IQCM: variants seen among roughly 807,000 people sequenced by gnomAD.
IQCM encodes the protein IQ motif containing M.
IQCM carries 45 observed loss-of-function variants against 57.6 expected under a neutral mutation model. The ratio of observed to expected loss-of-function variants is 0.78; its 90% CI spans 0.62 to 1.00. The LOEUF (loss-of-function observed/expected upper bound fraction) is 1.00. Ranked by LOEUF, IQCM falls within the 50% of genes least tolerant of loss-of-function variation. The probability of loss-of-function intolerance (pLI) is 0.00; values close to 1 mark genes in which losing one functional copy is unlikely to be tolerated. For missense variants in IQCM, 468 were observed against 511.6 expected, an observed-to-expected ratio of 0.91 and a Z score of 0.82; for synonymous variants, 148 against 158.9, an observed-to-expected ratio of 0.93 and a Z score of 0.51.
intron 7 of IQCM, among the ~76,000 whole-genome samples, chr4:149,677,202 G>T (rs979159510): frequency 6.6e-6 from 1 of 152,194 alleles, no homozygotes; most frequent in Middle Eastern, 3.4e-3. Flanking sequence ...CATCATTAGT[G>T]CCTGAAAGGA....
intron 3 of IQCM, among the ~76,000 whole-genome samples, chr4:149,741,869 C>T (rs1321684695): frequency 6.6e-6 from 1 of 152,034 alleles, no homozygotes; most frequent in Non-Finnish European, 1.5e-5. Context: ...ATAATTAGCT[C>T]GATAGAGGTA....
At chr4:149,595,624 C>T (rs1753703304) in intron 8 of IQCM, among the ~76,000 whole-genome samples, 1 of 152,138 alleles carries the variant, frequency 6.6e-6, no homozygotes, top group Non-Finnish European at 1.5e-5. Flanking sequence ...ATTCTTTATG[C>T]TGCTACTAAT....
chr4:149,787,793 A>T (rs112978465), intron 2 of IQCM, among the ~76,000 whole-genome samples: 2,229 of 152,264 alleles, frequency 0.015, 30 homozygotes, highest in Middle Eastern at 0.058. Flanking sequence ...TATGGCTAAG[A>T]CCTCAAAAAC....
At chr4:149,509,526 G>A (rs1347166317) in intron 12 of IQCM, among the ~76,000 whole-genome samples, 2 of 151,736 alleles carry the variant, frequency 1.3e-5, no homozygotes, top group Admixed American at 6.6e-5. Context: ...TAGGATTACA[G>A]CATGAGCCAC....
At chr4:149,667,515 C>T (rs188204718) in intron 7 of IQCM, among the ~76,000 whole-genome samples, 2 of 152,110 alleles carry the variant, frequency 1.3e-5, no homozygotes, top group African/African-American at 4.8e-5. Context: ...ACCAGAACAC[C>T]TCTTCTCCTC....
At chr4:149,413,010 C>A (rs565509307) in intron 13 of IQCM, among the ~76,000 whole-genome samples, 2 of 152,248 alleles carry the variant, frequency 1.3e-5, no homozygotes, top group East Asian at 1.9e-4. Context: ...TCTCTAAAAT[C>A]TTTTATTGTT....
intron 12 of IQCM, among the ~76,000 whole-genome samples, chr4:149,519,348 G>A (rs906955207): frequency 7.2e-5 from 11 of 152,270 alleles, no homozygotes; most frequent in East Asian, 1.9e-4. Flanking sequence ...TTGGCCGGGC[G>A]CGGTGGCTCA....
intron 13 of IQCM, among the ~76,000 whole-genome samples, chr4:149,421,286 G>A (rs942151670): frequency 6.6e-6 from 1 of 151,764 alleles, no homozygotes; most frequent in African/African-American, 2.4e-5. Flanking sequence ...AATAAGCTGA[G>A]ATAGAATCAA....
intron 2 of IQCM, among the ~76,000 whole-genome samples, chr4:149,756,353 C>G (rs146301123): frequency 6.6e-6 from 1 of 152,222 alleles, no homozygotes; most frequent in African/African-American, 2.4e-5. Flanking sequence ...TGATAATTAA[C>G]AGAAGACAAT....
intron 8 of IQCM, among the ~76,000 whole-genome samples, chr4:149,599,514 TG>T (rs2150028618): frequency 6.6e-6 from 1 of 152,168 alleles, no homozygotes; most frequent in East Asian, 1.9e-4. Flanking sequence ...CCTTAAGCTT[TG>T]TGGGTCTTTT....
chr4:149,633,121 A>G lies in IQCM; in HGVS notation c.566-11877T>C, dbSNP rs566436959. ...GCTTGCAGTGAGCCGAGATTGCGCC[A>G]CTGCAGTCCGCAGTCCAGCCTGGGC... On this transcript the variant is annotated intron_variant, in intron 7 of 13. Coordinates refer to ENST00000636793, the MANE Select transcript of IQCM (RefSeq NM_001363507.2). Among the ~76,000 whole-genome samples, 390 of 137,360 alleles carry G rather than the reference A, an allele frequency of 2.8e-3. 4 individuals are homozygous for G. Among genetic ancestry groups the G allele is most frequent in the African/African-American group, 0.01 (368 of 36,624 alleles). 90.1% of individuals were successfully genotyped at this position (137,360 alleles called of 152,430 possible). A position where few individuals can be genotyped will look rare whatever the true frequency, so the allele number is the denominator to read the frequency against.
chr4:149,738,230 G>A (rs540159385), intron 3 of IQCM, among the ~76,000 whole-genome samples: 34 of 152,276 alleles, frequency 2.2e-4, no homozygotes, highest in African/African-American at 7.9e-4. Context: ...CCAGTGCCAT[G>A]TACACCTCAT....
chr4:149,670,858 GTGCTGCTGGATTCGGTT>G (rs1357585299), intron 7 of IQCM, among the ~76,000 whole-genome samples: 8 of 151,958 alleles, frequency 5.3e-5, no homozygotes, highest in African/African-American at 1.7e-4. Context: ...ATATTTTGAT[GTGCTGCTGGATTCGGTT>G]TGCCAGTATT....
At chr4:149,543,029 T>C (rs961222389) in intron 12 of IQCM, among the ~76,000 whole-genome samples, 1 of 151,430 alleles carries the variant, frequency 6.6e-6, no homozygotes, top group Non-Finnish European at 1.5e-5. Flanking sequence ...AAATAATGAG[T>C]AGAGAAAAAT....
intron 13 of IQCM, among the ~76,000 whole-genome samples, chr4:149,356,560 T>A (rs191110560): frequency 2.5e-4 from 38 of 151,906 alleles, no homozygotes; most frequent in Admixed American, 7.2e-4. Flanking sequence ...GTTGTAGATA[T>A]GCGGCATTAT....
chr4:149,570,038 G>C (rs1751009534), intron 9 of IQCM, among the ~76,000 whole-genome samples: 1 of 151,322 alleles, frequency 6.6e-6, no homozygotes, highest in African/African-American at 2.4e-5. Flanking sequence ...AACTTGAGGG[G>C]GAAAAAGTCC....
intron 2 of IQCM, among the ~76,000 whole-genome samples, chr4:149,765,583 C>T (rs1042393100): frequency 6.8e-6 from 1 of 147,540 alleles, no homozygotes; most frequent in Admixed American, 6.6e-5. Context: ...CTGAAAACTG[C>T]CCTTGTAAAA....
intron 8 of IQCM, among the ~76,000 whole-genome samples, chr4:149,593,584 G>A (rs185345740): frequency 6.6e-6 from 1 of 152,036 alleles, no homozygotes; most frequent in Non-Finnish European, 1.5e-5. Context: ...TATGATATTG[G>A]CTGTGGGTTT....
At chr4:149,425,167 A>G (rs1332035276) in intron 13 of IQCM, among the ~76,000 whole-genome samples, 2 of 152,054 alleles carry the variant, frequency 1.3e-5, no homozygotes, top group African/African-American at 4.8e-5. Context: ...GAGTCTTATA[A>G]GAGTATAAAG....
Sources: gnomAD v4.1 joint callset for allele counts (sites outside exome capture counted in the v4.1 genomes callset) on GRCh38, gnomAD v4.1.1 for gene constraint, MANE v1.5 for transcripts, NCBI Gene and HGNC (gene_info 2026-07-23, HGNC 2026-07-21) for gene names.